ZNF26: variants seen among roughly 807,000 people sequenced by gnomAD.
The protein encoded by ZNF26 is zinc finger protein 26, also known as epididymis luminal protein 179.
In ZNF26, 32 loss-of-function variants were observed where a neutral mutation model predicts 54.9. The observed-to-expected ratio is 0.58, with a 90% CI of 0.44 to 0.78. The LOEUF (loss-of-function observed/expected upper bound fraction) is 0.78. Ranked by LOEUF, ZNF26 falls within the 30% of genes least tolerant of loss-of-function variation. The pLI is 0.00. For missense variants in ZNF26, 524 were observed against 634.0 expected, an observed-to-expected ratio of 0.83 and a Z score of 1.86; for synonymous variants, 221 against 209.2, an observed-to-expected ratio of 1.06 and a Z score of -0.49.
At chr12:132,991,730 G>A (rs1214250491) in intron 1 of ZNF26, among the ~76,000 whole-genome samples, 1 of 152,040 alleles carries the variant, frequency 6.6e-6, no homozygotes, top group African/African-American at 2.4e-5. Context: ...CCAGGAGTTC[G>A]AGGCTGCTGT....
In ZNF26 at chr12:133,010,987, T is replaced by C. The variant is rs982563549; in HGVS notation, c.1108T>C (p.Tyr370His). Reference sequence around the variant, plus strand: ...GGGAGTTCACACAGGAAATAATCCTTATCAATGCGGTGAATGTGGGAAAGC... The same window carrying C: ...GGGAGTTCACACAGGAAATAATCCTCATCAATGCGGTGAATGTGGGAAAGC... The part of the protein sequence containing the change: ...HQGVHTGNNP[Y>H]QCGECGKAFG... The change falls in exon 4 of 4, where the codon TAT becomes CAT. Residue 370 changes from tyrosine (Y) to histidine (H), a missense_variant. Physicochemically the swap from Tyr to His is moderately conservative, Grantham distance 83. Coordinates refer to ENST00000328654, the MANE Select transcript of ZNF26 (RefSeq NM_019591.4). 346 of 1,614,070 alleles carry C rather than the reference T, an allele frequency of 2.1e-4. 4 individuals are homozygous for C. Among genetic ancestry groups the C allele is most frequent in the Non-Finnish European group, 8.3e-5 (98 of 1,179,994 alleles).
Position 133,011,126 on chromosome 12 carries a change from A to G in ZNF26, c.1247A>G (p.His416Arg). Residue 416 changes from histidine (H) to arginine (R), a missense_variant, in exon 4 of 4, where the codon CAT (histidine) becomes CGT (arginine). By Grantham distance (29) the His-to-Arg change is conservative. Coordinates refer to ENST00000328654, the MANE Select transcript of ZNF26 (RefSeq NM_019591.4). ...AFSSKSYLVI[H>R]RRTHTGERPY... Reference sequence around the variant, plus strand: ...AGCAGCAAGTCATACCTTGTTATACATAGGAGAACACACACCGGAGAGAGA... The same window carrying G: ...AGCAGCAAGTCATACCTTGTTATACGTAGGAGAACACACACCGGAGAGAGA... 6.2e-7 allele frequency: 1 copy of G among 1,614,218 alleles called. No individual in the cohort carries two copies. Among genetic ancestry groups the G allele is most frequent in the Admixed American group, 1.7e-5 (1 of 60,014 alleles).
In ZNF26 at chr12:133,016,576, G is replaced by T. The variant is rs1953569359; in HGVS notation, c.*5095G>T. On this transcript the variant is annotated 3_prime_UTR_variant, in exon 4 of 4. Transcript: ENST00000328654. ...GAGGCAGGAGGATCACTTGAGCTCA[G>T]GAATTTGAGACCAGTCTGGACAACA... 3 of 151,572 alleles carry T rather than the reference G, an allele frequency of 2.0e-5. No homozygotes were observed. Among genetic ancestry groups the T allele is most frequent in the Non-Finnish European group, 2.9e-5 (2 of 68,024 alleles). The allele number at this position is 151,572 out of a possible 1,614,324, so 9.4% of individuals were successfully genotyped here. A position where few individuals can be genotyped will look rare whatever the true frequency, so the allele number is the denominator to read the frequency against.
rs1352616747 is a variant in ZNF26, at chr12:133,012,074, A to C, written c.*593A>C. On this transcript the variant is annotated 3_prime_UTR_variant, in exon 4 of 4. Transcript: ENST00000328654. ...TATATATTTGATAGTTTGTGGAATA[A>C]TATCCCCCAGTATTTTCCATATTAA... 2 of 152,184 alleles carry C rather than the reference A, an allele frequency of 1.3e-5. No homozygotes were observed. The highest frequency in any genetic ancestry group is 4.8e-5 in the African/African-American group (2 of 41,438). The allele number at this position is 152,184 out of a possible 1,614,324, so 9.4% of individuals were successfully genotyped here.
rs1393311509 is a variant in ZNF26, at chr12:133,007,135, A to G, written c.127A>G (p.Ile43Val). 3.7e-6 allele frequency: 6 copies of G among 1,614,170 alleles called. No individual in the cohort carries two copies. Among genetic ancestry groups the G allele is most frequent in the Non-Finnish European group, 5.1e-6 (6 of 1,180,018 alleles). ...STQKYLYRDVILENYHNLISV... is the reference protein window; with the variant it reads ...STQKYLYRDVVLENYHNLISV... The stretch of plus-strand genomic sequence containing the variant: ...ACAGAAGTACCTGTACAGAGATGTG[A>G]TATTGGAAAACTATCATAACCTGAT... Residue 43 changes from isoleucine to valine, a missense_variant, in exon 2 of 4, where the codon ATA becomes GTA. By Grantham distance (29) the Ile-to-Val change is conservative. Coordinates refer to ENST00000328654, the MANE Select transcript of ZNF26 (RefSeq NM_019591.4).
intron 3 of ZNF26, among the ~76,000 whole-genome samples, chr12:133,008,988 A>C (rs1048937042): frequency 6.6e-6 from 1 of 152,064 alleles, no homozygotes; most frequent in South Asian, 2.1e-4. Context: ...AATGTGCCAC[A>C]TACTATCAAA....
chr12:132,988,541 C>G (rs1486897787), intron 1 of ZNF26, among the ~76,000 whole-genome samples: 1 of 152,158 alleles, frequency 6.6e-6, no homozygotes, highest in Non-Finnish European at 1.5e-5. Context: ...GCCACCATGC[C>G]CAGCCTATAA....
intron 1 of ZNF26, 136 bp from the exon 2 acceptor site, chr12:133,006,906 T>C: frequency 1.7e-6 from 2 of 1,169,450 alleles, no homozygotes; most frequent in South Asian, 2.9e-5. Flanking sequence ...TTTTTAATTC[T>C]CTCACAAAGT....
At position 132,986,554 on chromosome 12, in the gene ZNF26, T is replaced by G. The variant is rs1482631991; in HGVS notation, c.-287T>G. On this transcript the variant is annotated 5_prime_UTR_variant, in exon 1 of 4. Transcript: ENST00000328654. ...TAAACACTTCCGTCGGTCCGGGGCG[T>G]GGACGGGGCCAGATCAGCCTCCTGC... 3 of 536,584 alleles carry G rather than the reference T, an allele frequency of 5.6e-6. No homozygotes were observed. Among genetic ancestry groups the G allele is most frequent in the Non-Finnish European group, 1.0e-5 (3 of 297,914 alleles). 33.2% of individuals were successfully genotyped at this position (536,584 alleles called of 1,614,324 possible). A position where few individuals can be genotyped will look rare whatever the true frequency, so the allele number is the denominator to read the frequency against.
intron 1 of ZNF26, among the ~76,000 whole-genome samples, chr12:133,003,269 T>C (rs1467810822): frequency 6.6e-6 from 1 of 151,250 alleles, no homozygotes; most frequent in Non-Finnish European, 1.5e-5. Flanking sequence ...TTTTTTTTTT[T>C]TTTTGAGATG....
chr12:133,019,281 T>G lies in ZNF26; in HGVS notation c.*7800T>G, dbSNP rs1171902679. 1.3e-5 allele frequency: 2 copies of G among 152,016 alleles called. No individual in the cohort carries two copies. Among genetic ancestry groups the G allele is most frequent in the Non-Finnish European group, 1.5e-5 (1 of 68,014 alleles). 9.4% of individuals were successfully genotyped at this position (152,016 alleles called of 1,614,324 possible). The stretch of plus-strand genomic sequence containing the variant: ...AGATTGGGAGAAAATATTTGCAAAC[T>G]ATCCATTTGACAAGGGGTTAATTGC... On this transcript the variant is annotated 3_prime_UTR_variant, in exon 4 of 4. Transcript: ENST00000328654.
At chr12:132,996,984 G>A (rs1219808255) in intron 1 of ZNF26, among the ~76,000 whole-genome samples, 1 of 152,158 alleles carries the variant, frequency 6.6e-6, no homozygotes, top group African/African-American at 2.4e-5. Context: ...TCATGCAGTG[G>A]CAAGACAAGG....
chr12:133,005,329 A>G (rs1172064345), intron 1 of ZNF26: 1 of 152,052 alleles, frequency 6.6e-6, no homozygotes. Context: ...CAGCCTTCTG[A>G]GTAGCTAGGA....
At chr12:132,993,606 C>G (rs1045644406) in intron 1 of ZNF26, among the ~76,000 whole-genome samples, 1 of 151,922 alleles carries the variant, frequency 6.6e-6, no homozygotes, top group Admixed American at 6.6e-5. Flanking sequence ...CAGGTGCACT[C>G]CACCATGCCC....
At chr12:132,994,605 T>C (rs932966892) in intron 1 of ZNF26, among the ~76,000 whole-genome samples, 1 of 152,244 alleles carries the variant, frequency 6.6e-6, no homozygotes, top group African/African-American at 2.4e-5. Flanking sequence ...AAAATGTTTG[T>C]GTTGGCTTAT....
chr12:133,002,110 G>A lies in ZNF26; in HGVS notation c.34-4932G>A, dbSNP rs1368908985. Among the ~76,000 whole-genome samples the A allele has an allele frequency of 6.6e-5, 10 of 152,194 alleles. No individual in the cohort carries two copies. The East Asian group carries it at 9.7e-4, about 15-fold the overall frequency. Reference sequence around the variant, plus strand: ...TCTGGTTGGATCTCCCCCATCTTCCGTCATTCATGGACCAGTTATTCACTA... The same window carrying A: ...TCTGGTTGGATCTCCCCCATCTTCCATCATTCATGGACCAGTTATTCACTA... On this transcript the variant is annotated intron_variant, in intron 1 of 3. Coordinates refer to ENST00000328654, the MANE Select transcript of ZNF26 (RefSeq NM_019591.4).
chr12:133,010,261 T>C lies in ZNF26; in HGVS notation c.382T>C (p.Tyr128His). The change falls in exon 4 of 4, where the codon TAT (tyrosine) becomes CAT (histidine). Residue 128 changes from tyrosine (Y) to histidine (H), a missense_variant. Tyr to His is a moderately conservative substitution (Grantham distance 83). Transcript: ENST00000328654. ...CCATGATTCTTCAAGACAGAGACTC[T>C]ATAACACACGTGGAAAAAGTTTGAC... The part of the protein sequence containing the change: ...KTHDSSRQRL[Y>H]NTRGKSLTQN... 3.1e-6 allele frequency: 5 copies of C among 1,614,076 alleles called. No individual in the cohort carries two copies. The East Asian group carries it at 6.7e-5, about 22-fold the overall frequency.
At position 133,019,328 on chromosome 12, in the gene ZNF26, AC is replaced by A. The variant is rs1192407633; in HGVS notation, c.*7848del. The A allele has an allele frequency of 2.3e-5, 2 of 86,486 alleles. No homozygotes were observed. Among genetic ancestry groups the A allele is most frequent in the Admixed American group, 3.7e-4 (2 of 5,428 alleles). The allele number at this position is 86,486 out of a possible 1,614,324, so 5.4% of individuals were successfully genotyped here. A position where few individuals can be genotyped will look rare whatever the true frequency, so the allele number is the denominator to read the frequency against. ...TTGCCAGAATATACAGGGAGCTCAA[AC>A]AACTCTATAGCAAAAACAAAGAAAA... On this transcript the variant is annotated 3_prime_UTR_variant, in exon 4 of 4. Transcript: ENST00000328654.
chr12:133,008,490 A>T (rs1953385511), intron 3 of ZNF26, among the ~76,000 whole-genome samples: 1 of 152,132 alleles, frequency 6.6e-6, no homozygotes, highest in Admixed American at 6.5e-5. Context: ...GAAATACCTG[A>T]GACTGGCTGG....
Sources: allele counts gnomAD v4.1 joint callset (sites outside exome capture counted in the v4.1 genomes callset), GRCh38; gene constraint gnomAD v4.1.1; transcripts MANE v1.5; gene names NCBI Gene and HGNC (gene_info 2026-07-23, HGNC 2026-07-21).